PRCP: variants seen among roughly 807,000 people sequenced by gnomAD.
The protein encoded by PRCP is lysosomal Pro-X carboxypeptidase.
PRCP carries 46 observed loss-of-function variants against 54.2 expected under a neutral mutation model. The observed-to-expected ratio is 0.85, with a 90% CI of 0.67 to 1.09. PRCP has a LOEUF of 1.09. Ranked by LOEUF, PRCP falls within the 50% of genes least tolerant of loss-of-function variation. The probability of loss-of-function intolerance (pLI) is 0.00; values close to 1 mark genes in which losing one functional copy is unlikely to be tolerated. For missense variants in PRCP, 613 were observed against 596.8 expected (o/e 1.03, Z -0.28); for synonymous variants, 240 against 212.2 (o/e 1.13, Z -1.14).
intron 1 of PRCP, among the ~76,000 whole-genome samples, chr11:82,861,547 T>C (rs1294903620): frequency 2.0e-5 from 3 of 152,110 alleles, no homozygotes; most frequent in South Asian, 2.1e-4. Flanking sequence ...GGATTATGTA[T>C]CTCCTCATGT....
intron 1 of PRCP, chr11:82,884,986 T>C: frequency 6.7e-7 from 1 of 1,481,828 alleles, no homozygotes; most frequent in Non-Finnish European, 9.0e-7. Context: ...GTGCTCAATA[T>C]TGTCATGTGA....
intron 6 of PRCP, among the ~76,000 whole-genome samples, chr11:82,841,920 T>C (rs1858681278): frequency 1.3e-5 from 2 of 152,208 alleles, no homozygotes; most frequent in African/African-American, 4.8e-5. Flanking sequence ...CATTCTTTCC[T>C]GAACCTGGAC....
At chr11:82,870,082 C>A (rs1166881312) in intron 1 of PRCP, among the ~76,000 whole-genome samples, 1 of 152,164 alleles carries the variant, frequency 6.6e-6, no homozygotes, top group Non-Finnish European at 1.5e-5. Context: ...ATCTTGGTGA[C>A]AAGGTTATAA....
At position 82,824,907 on chromosome 11, in the gene PRCP, C is replaced by T; in HGVS notation, c.1490G>A (p.Ter497=). 1.2e-6 allele frequency: 2 copies of T among 1,613,094 alleles called. No homozygotes were observed. Among genetic ancestry groups the T allele is most frequent in the African/African-American group, 2.7e-5 (2 of 75,038 alleles). ...AAATTGAAAACAATCAAAAGTTTCT[C>T]AGTGCTGCTTTCCCGCACTGTCATA... ...DFYDSAGKQH[*] is the part of the protein sequence containing the mutation. The change falls in exon 9 of 9, where the codon TGA becomes TAA. Residue 497 remains the stop codon, a stop_retained_variant. Transcript: ENST00000313010.
intron 1 of PRCP, among the ~76,000 whole-genome samples, chr11:82,899,401 G>A (rs916869668): frequency 1.3e-5 from 2 of 152,198 alleles, no homozygotes; most frequent in Non-Finnish European, 2.9e-5. Context: ...GGTTCTATCT[G>A]ACTCCTAAAG....
At chr11:82,828,196 T>A (rs998248638) in intron 8 of PRCP, 4 of 152,212 alleles carry the variant, frequency 2.6e-5, no homozygotes, top group Non-Finnish European at 5.9e-5. Context: ...ATTTGGCAAA[T>A]CTGAGATTCA....
intron 1 of PRCP, among the ~76,000 whole-genome samples, chr11:82,867,295 C>G (rs530346949): frequency 1.3e-5 from 2 of 152,268 alleles, no homozygotes; most frequent in South Asian, 4.2e-4. Context: ...TGCTTAATAA[C>G]CTTTCTTTCC....
At chr11:82,860,734 G>T (rs951299171) in intron 1 of PRCP, among the ~76,000 whole-genome samples, 2 of 151,956 alleles carry the variant, frequency 1.3e-5, no homozygotes, top group African/African-American at 4.8e-5. Flanking sequence ...CTACTGAAAA[G>T]GTCCATAAAC....
chr11:82,834,077 GC>G (rs1565217007), intron 8 of PRCP, among the ~76,000 whole-genome samples: 1 of 152,174 alleles, frequency 6.6e-6, no homozygotes, highest in African/African-American at 2.4e-5. Flanking sequence ...CGAGCTTCTT[GC>G]CCTTCCACCT....
At chr11:82,889,238 G>C (rs995070678) in intron 1 of PRCP, among the ~76,000 whole-genome samples, 14 of 151,942 alleles carry the variant, frequency 9.2e-5, no homozygotes, top group East Asian at 5.8e-4. Context: ...CAAGCCTTTA[G>C]TCTCAGCTAC....
intron 1 of PRCP, among the ~76,000 whole-genome samples, chr11:82,886,150 A>T (rs1388218398): frequency 1.3e-5 from 2 of 152,186 alleles, no homozygotes; most frequent in Non-Finnish European, 2.9e-5. Flanking sequence ...GTATAATTGA[A>T]ATCTCCATTA....
intron 2 of PRCP, among the ~76,000 whole-genome samples, chr11:82,853,820 C>A (rs1788123875): frequency 6.6e-6 from 1 of 152,134 alleles, no homozygotes; most frequent in Admixed American, 6.5e-5. Context: ...ATCATATAGG[C>A]TTTATTCCTG....
At chr11:82,848,448 C>T (rs1030877538) in intron 6 of PRCP, among the ~76,000 whole-genome samples, 13 of 151,964 alleles carry the variant, frequency 8.6e-5, no homozygotes, top group Admixed American at 3.3e-4. Flanking sequence ...CAGAGGAAGA[C>T]GGGATGGGGA....
At chr11:82,887,556 A>T (rs1004165886) in intron 1 of PRCP, among the ~76,000 whole-genome samples, 11 of 152,232 alleles carry the variant, frequency 7.2e-5, no homozygotes, top group Non-Finnish European at 1.3e-4. Flanking sequence ...TACTGTTATC[A>T]AAGTATTGTT....
At chr11:82,870,719 T>C (rs1444128541) in intron 1 of PRCP, among the ~76,000 whole-genome samples, 2 of 152,196 alleles carry the variant, frequency 1.3e-5, no homozygotes, top group East Asian at 1.9e-4. Flanking sequence ...GGTTGGAGAC[T>C]GAATTGGTAT....
chr11:82,860,333 G>T (rs7118752), intron 1 of PRCP, among the ~76,000 whole-genome samples: 17,467 of 151,626 alleles, frequency 0.12, 1,902 homozygotes, highest in African/African-American at 0.29. Context: ...TGCTATTGGT[G>T]ATCAAGATTT....
chr11:82,877,887 AGCTT>A (rs1233324954), intron 1 of PRCP, among the ~76,000 whole-genome samples: 30 of 152,196 alleles, frequency 2.0e-4, no homozygotes, highest in Non-Finnish European at 3.8e-4. Context: ...ACCCACTGAC[AGCTT>A]GTACCGTGAG....
intron 1 of PRCP, among the ~76,000 whole-genome samples, chr11:82,882,494 CTTT>C (rs766453104): frequency 4.7e-5 from 6 of 127,812 alleles, no homozygotes; most frequent in Non-Finnish European, 3.3e-5. Flanking sequence ...TGAGCCAGTT[CTTT>C]TTTTTTTTTT....
In PRCP at chr11:82,859,961, A is replaced by T; in HGVS notation, c.309+16T>A. On this transcript the variant is annotated intron_variant, in intron 2 of 8. Coordinates refer to ENST00000313010, the MANE Select transcript of PRCP (RefSeq NM_005040.4). ...AAGTCAAATTGAGCACTGGAATTTC[A>T]TGAATCTGCACATACCGTGTTATTA... 1 of 1,540,760 alleles carries T rather than the reference A, an allele frequency of 6.5e-7. No individual in the cohort carries two copies.
Sources: gnomAD v4.1 joint callset for allele counts (sites outside exome capture counted in the v4.1 genomes callset) on GRCh38, gnomAD v4.1.1 for gene constraint, MANE v1.5 for transcripts, NCBI Gene and HGNC (gene_info 2026-07-23, HGNC 2026-07-21) for gene names.